NCKAP5: variants seen among roughly 807,000 people sequenced by gnomAD.
NCKAP5 encodes the protein nck-associated protein 5.
A neutral mutation model predicts 167.0 loss-of-function variants in NCKAP5; 92 were observed. The observed-to-expected ratio is 0.55, with a 90% CI of 0.47 to 0.66. NCKAP5 has a LOEUF of 0.66. Among genes scored for constraint, NCKAP5 ranks in the 30% least tolerant of loss-of-function variants. The pLI is 0.00. For synonymous variants in NCKAP5, 891 were observed against 877.4 expected, an observed-to-expected ratio of 1.02 and a Z score of -0.27; for missense variants, 2,378 against 2,315.0, an observed-to-expected ratio of 1.03 and a Z score of -0.56.
At chr2:133,427,763 A>G (rs1689905777) in intron 3 of NCKAP5, among the ~76,000 whole-genome samples, 1 of 152,164 alleles carries the variant, frequency 6.6e-6, no homozygotes, top group Non-Finnish European at 1.5e-5. Flanking sequence ...TAAAAAATCT[A>G]TCAATTAAAT....
At chr2:132,693,728 C>T (rs7560574) in intron 19 of NCKAP5, among the ~76,000 whole-genome samples, 68 of 148,176 alleles carry the variant, frequency 4.6e-4, no homozygotes, top group African/African-American at 1.5e-3. Flanking sequence ...CCAGTTCAAG[C>T]GATTCTCCTG....
intron 8 of NCKAP5, among the ~76,000 whole-genome samples, chr2:132,900,097 T>G (rs906728166): frequency 1.4e-4 from 22 of 152,178 alleles, no homozygotes; most frequent in African/African-American, 5.1e-4. Flanking sequence ...AGGTACCATG[T>G]GCACCTTATA....
At chr2:133,386,064 C>T (rs1433304729) in intron 3 of NCKAP5, among the ~76,000 whole-genome samples, 1 of 152,042 alleles carries the variant, frequency 6.6e-6, no homozygotes, top group Non-Finnish European at 1.5e-5. Context: ...CTGCTCTGAT[C>T]TTAGTTATTT....
chr2:132,771,996 T>A (rs1489369679), intron 16 of NCKAP5, among the ~76,000 whole-genome samples: 1 of 151,930 alleles, frequency 6.6e-6, no homozygotes, highest in East Asian at 1.9e-4. Flanking sequence ...AGGCCGATAC[T>A]CGTATTTTTT....
At chr2:133,003,972 C>T (rs1464710173) in intron 6 of NCKAP5, among the ~76,000 whole-genome samples, 1 of 152,180 alleles carries the variant, frequency 6.6e-6, no homozygotes, top group Admixed American at 6.5e-5. Context: ...CAGAGATGGG[C>T]ACTCAGAGAA....
intron 3 of NCKAP5, among the ~76,000 whole-genome samples, chr2:133,307,530 G>A (rs1233119060): frequency 6.6e-6 from 1 of 152,142 alleles, no homozygotes; most frequent in Admixed American, 6.5e-5. Context: ...AGGGGGACTT[G>A]TTTGAATGCT....
chr2:133,096,902 T>C (rs1489941504), intron 6 of NCKAP5, among the ~76,000 whole-genome samples: 2 of 152,198 alleles, frequency 1.3e-5, no homozygotes, highest in African/African-American at 4.8e-5. Flanking sequence ...ACATGCTTAT[T>C]AAGGGGTGAC....
At chr2:132,852,702 G>GA (rs1163772010) in intron 11 of NCKAP5, among the ~76,000 whole-genome samples, 3 of 152,154 alleles carry the variant, frequency 2.0e-5, no homozygotes, top group Non-Finnish European at 4.4e-5. Flanking sequence ...TATTAGTCCT[G>GA]AATTTAGTTC....
At chr2:133,314,608 T>G (rs1353254352) in intron 3 of NCKAP5, among the ~76,000 whole-genome samples, 2 of 152,228 alleles carry the variant, frequency 1.3e-5, no homozygotes, top group East Asian at 1.9e-4. Context: ...TAATGCCAGA[T>G]GCAATTATTC....
chr2:133,233,888 T>G (rs532177879), intron 4 of NCKAP5, among the ~76,000 whole-genome samples: 1 of 152,336 alleles, frequency 6.6e-6, no homozygotes, highest in South Asian at 2.1e-4. Context: ...AGAGGCGATT[T>G]CTTTGGAGCC....
At chr2:133,018,998 T>C (rs1429819036) in intron 6 of NCKAP5, among the ~76,000 whole-genome samples, 1 of 152,188 alleles carries the variant, frequency 6.6e-6, no homozygotes, top group African/African-American at 2.4e-5. Flanking sequence ...ATGCAATGAC[T>C]CTTGGATGGA....
chr2:132,707,237 A>C (rs1688447761), intron 19 of NCKAP5, among the ~76,000 whole-genome samples: 1 of 152,252 alleles, frequency 6.6e-6, no homozygotes. Context: ...GGGACTCTTC[A>C]CTGGAACTCA....
At chr2:133,264,448 T>C (rs1004939346) in intron 4 of NCKAP5, among the ~76,000 whole-genome samples, 7 of 152,200 alleles carry the variant, frequency 4.6e-5, no homozygotes, top group Admixed American at 2.0e-4. Context: ...CCAGCTGTAA[T>C]GGGGGCTTTA....
chr2:133,326,479 A>AAG (rs1682458711), intron 3 of NCKAP5, among the ~76,000 whole-genome samples: 2 of 151,366 alleles, frequency 1.3e-5, no homozygotes, highest in Non-Finnish European at 2.9e-5. Flanking sequence ...AAAAAAAAAA[A>AAG]AGAGAAAAAG....
chr2:133,179,212 C>T (rs1378168305), intron 5 of NCKAP5, among the ~76,000 whole-genome samples: 1 of 151,102 alleles, frequency 6.6e-6, no homozygotes, highest in East Asian at 1.9e-4. Context: ...AGGCTTGGAA[C>T]CAGAATTGTT....
At chr2:133,203,574 T>C (rs1262742806) in intron 5 of NCKAP5, among the ~76,000 whole-genome samples, 2 of 152,256 alleles carry the variant, frequency 1.3e-5, no homozygotes, top group Non-Finnish European at 2.9e-5. Flanking sequence ...TCTAAAATTC[T>C]TGCCTTATTT....
intron 16 of NCKAP5, among the ~76,000 whole-genome samples, chr2:132,743,352 CTA>C (rs1333357329): frequency 2.0e-5 from 3 of 151,454 alleles, no homozygotes; most frequent in East Asian, 1.9e-4. Flanking sequence ...AATATATGAT[CTA>C]TATATATATT....
At chr2:133,011,594 T>G (rs2078162537) in intron 6 of NCKAP5, among the ~76,000 whole-genome samples, 1 of 152,198 alleles carries the variant, frequency 6.6e-6, no homozygotes, top group African/African-American at 2.4e-5. Flanking sequence ...GTTGAGTAAA[T>G]CAATTGTCAA....
At chr2:133,526,200 G>GAAGC (rs1410486205) in intron 2 of NCKAP5, among the ~76,000 whole-genome samples, 6 of 134,900 alleles carry the variant, frequency 4.4e-5, no homozygotes, top group Non-Finnish European at 9.3e-5. Flanking sequence ...AGGAAGGAAG[G>GAAGC]AAGGAAGGAA....
Sources: gnomAD v4.1 joint callset for allele counts (sites outside exome capture counted in the v4.1 genomes callset) on GRCh38, gnomAD v4.1.1 for gene constraint, MANE v1.5 for transcripts, NCBI Gene and HGNC (gene_info 2026-07-23, HGNC 2026-07-21) for gene names.